The following MAP4K3 variants were observed in gnomAD, a reference collection of about 807,000 sequenced individuals.
MAP4K3 encodes mitogen-activated protein kinase kinase kinase kinase 3.
Under a neutral mutation model 143.5 loss-of-function variants are expected in MAP4K3, and 94 were observed. The ratio of observed to expected loss-of-function variants is 0.65; its 90% CI spans 0.55 to 0.78. MAP4K3 has a LOEUF of 0.78. Ranked by LOEUF, MAP4K3 falls within the 30% of genes least tolerant of loss-of-function variation. The pLI is 0.00. For missense variants in MAP4K3, 1,077 were observed against 1,068.1 expected, an observed-to-expected ratio of 1.01 and a Z score of -0.12; for synonymous variants, 416 against 347.2, an observed-to-expected ratio of 1.20 and a Z score of -2.20.
intron 1 of MAP4K3, among the ~76,000 whole-genome samples, chr2:39,397,058 C>T (rs1005530019): frequency 6.6e-6 from 1 of 152,124 alleles, no homozygotes; most frequent in Non-Finnish European, 1.5e-5. Context: ...GACAACTTTT[C>T]ATCAATTTAA....
intron 2 of MAP4K3, among the ~76,000 whole-genome samples, chr2:39,366,057 ACT>A (rs1321753011): frequency 6.6e-6 from 1 of 152,174 alleles, no homozygotes; most frequent in Non-Finnish European, 1.5e-5. Flanking sequence ...AAGGAGTCAA[ACT>A]CTGTAAAATA....
At chr2:39,394,342 C>G (rs891321493) in intron 1 of MAP4K3, among the ~76,000 whole-genome samples, 1 of 152,150 alleles carries the variant, frequency 6.6e-6, no homozygotes, top group East Asian at 1.9e-4. Flanking sequence ...TGCACTACAG[C>G]AAGCCTGAAA....
chr2:39,326,311 T>C (rs1360476246), intron 8 of MAP4K3, 34 bp from the exon 9 acceptor site: 5 of 1,608,376 alleles, frequency 3.1e-6, no homozygotes, highest in Non-Finnish European at 4.2e-6. Context: ...AAAAAACTTC[T>C]GTTATATGTT....
At chr2:39,406,823 G>A (rs1212905297) in intron 1 of MAP4K3, among the ~76,000 whole-genome samples, 1 of 152,100 alleles carries the variant, frequency 6.6e-6, no homozygotes, top group Non-Finnish European at 1.5e-5. Context: ...CAGAAAAACA[G>A]AATATTACAA....
intron 2 of MAP4K3, among the ~76,000 whole-genome samples, chr2:39,363,559 C>G (rs1225851134): frequency 2.0e-5 from 3 of 148,260 alleles, no homozygotes; most frequent in Non-Finnish European, 4.4e-5. Context: ...ATCCCAGGTA[C>G]TTTGGAGACT....
chr2:39,398,407 C>T (rs1211556450), intron 1 of MAP4K3, among the ~76,000 whole-genome samples: 2 of 151,848 alleles, frequency 1.3e-5, no homozygotes, highest in Non-Finnish European at 2.9e-5. Flanking sequence ...GTGAATTAGC[C>T]TTTTGCATAA....
intron 1 of MAP4K3, among the ~76,000 whole-genome samples, chr2:39,433,234 G>A (rs1665349270): frequency 4.6e-5 from 7 of 152,126 alleles, no homozygotes; most frequent in Admixed American, 3.9e-4. Context: ...TGTGTATCCA[G>A]TCTTGGATAC....
chr2:39,294,818 T>C (rs1682202484), intron 16 of MAP4K3, among the ~76,000 whole-genome samples: 1 of 152,224 alleles, frequency 6.6e-6, no homozygotes, highest in African/African-American at 2.4e-5. Flanking sequence ...AGTTCTCAAA[T>C]TGTGGTATAA....
At chr2:39,391,525 G>A (rs4670932) in intron 1 of MAP4K3, among the ~76,000 whole-genome samples, 125,223 of 151,940 alleles carry the variant, frequency 0.82, 52,921 homozygotes, top group Non-Finnish European at 0.91. Context: ...ATTTGACTAA[G>A]GACCCCTAAA....
In MAP4K3 at chr2:39,391,045, G is replaced by C. The variant is rs184627521; in HGVS notation, c.97-12922C>G. ...TATTCTGGAAAAAAAAGAGTTATTG[G>C]TTAAGTATTAGAAATAATACATACT... On this transcript the variant is annotated intron_variant, in intron 1 of 33. Coordinates refer to ENST00000263881, the MANE Select transcript of MAP4K3 (RefSeq NM_003618.4). 2.4e-4 allele frequency among the ~76,000 whole-genome samples: 36 copies of C among 152,142 alleles called. 1 individual carries two copies. Among genetic ancestry groups the C allele is most frequent in the East Asian group, 1.5e-3 (8 of 5,162 alleles).
At chr2:39,315,680 A>G (rs1178776980) in intron 12 of MAP4K3, among the ~76,000 whole-genome samples, 1 of 152,300 alleles carries the variant, frequency 6.6e-6, no homozygotes, top group Non-Finnish European at 1.5e-5. Context: ...TCTTATTTGT[A>G]TGTGCAACAT....
intron 26 of MAP4K3, among the ~76,000 whole-genome samples, chr2:39,270,639 G>A (rs1396168550): frequency 6.6e-6 from 1 of 152,200 alleles, no homozygotes; most frequent in African/African-American, 2.4e-5. Flanking sequence ...TACCTAGTAA[G>A]TAAATGATAC....
rs531404312 is a variant in MAP4K3, at chr2:39,353,724, A to AAGT, written c.245+2522_245+2524dup. Among the ~76,000 whole-genome samples the AAGT allele has an allele frequency of 2.5e-3, 378 of 151,908 alleles. 3 individuals are homozygous for AAGT. The highest frequency in any genetic ancestry group is 8.7e-3 in the African/African-American group (362 of 41,384). On this transcript the variant is annotated intron_variant, in intron 3 of 33. Coordinates refer to ENST00000263881, the MANE Select transcript of MAP4K3 (RefSeq NM_003618.4). ...ATAATGATACTTTTAAAAAGTTAAG[A>AAGT]AGTAGTAGTAGTAGCAGCAGCAGCA... is the stretch of plus-strand genomic sequence containing the variant.
intron 1 of MAP4K3, among the ~76,000 whole-genome samples, chr2:39,392,361 C>T (rs1394158691): frequency 1.3e-5 from 2 of 151,914 alleles, no homozygotes; most frequent in Admixed American, 6.6e-5. Context: ...GTTTATTAAG[C>T]GTGTGATACA....
At chr2:39,251,127 G>A (rs1291248838) in intron 33 of MAP4K3, among the ~76,000 whole-genome samples, 1 of 152,188 alleles carries the variant, frequency 6.6e-6, no homozygotes, top group South Asian at 2.1e-4. Flanking sequence ...GGGCCAGGGC[G>A]CTCACAGAAA....
chr2:39,417,926 G>T (rs1667429192), intron 1 of MAP4K3, among the ~76,000 whole-genome samples: 1 of 152,084 alleles, frequency 6.6e-6, no homozygotes, highest in Non-Finnish European at 1.5e-5. Context: ...ATGATGGCTG[G>T]GTGCAGTGGC....
intron 13 of MAP4K3, 99 bp from the exon 14 acceptor site, chr2:39,309,618 C>T (rs576485493): frequency 7.5e-5 from 46 of 615,776 alleles, no homozygotes; most frequent in South Asian, 6.8e-4. Flanking sequence ...AGTGCAGTGG[C>T]GCAATCTCAG....
At chr2:39,269,988 C>T (rs75836786) in intron 26 of MAP4K3, among the ~76,000 whole-genome samples, 3 of 152,102 alleles carry the variant, frequency 2.0e-5, no homozygotes, top group South Asian at 2.1e-4. Context: ...TGAACCAAAG[C>T]GCTTTTTAGA....
At chr2:39,288,368 T>G in intron 19 of MAP4K3, 88 bp from the exon 20 acceptor site, 1 of 1,152,786 alleles carries the variant, frequency 8.7e-7, no homozygotes, top group Non-Finnish European at 1.3e-6. Flanking sequence ...AGCTTTCAAA[T>G]TATTTCTACT....
Sources: gnomAD v4.1 joint callset for allele counts (sites outside exome capture counted in the v4.1 genomes callset) on GRCh38, gnomAD v4.1.1 for gene constraint, MANE v1.5 for transcripts, NCBI Gene and HGNC (gene_info 2026-07-23, HGNC 2026-07-21) for gene names.